The following TGM6 variants were observed in gnomAD, a reference collection of about 807,000 sequenced individuals.
TGM6 encodes the protein protein-glutamine gamma-glutamyltransferase 6.
TGM6 carries 74 observed loss-of-function variants against 77.5 expected under a neutral mutation model. The observed-to-expected ratio is 0.96, with a 90% CI of 0.79 to 1.16. TGM6 has a LOEUF of 1.16. Ranked by LOEUF, TGM6 falls within the 50% of genes most tolerant of loss-of-function variation. TGM6 has a pLI of 0.00. For missense variants in TGM6, 968 were observed against 940.2 expected (o/e 1.03, Z -0.39); for synonymous variants, 383 against 378.9 (o/e 1.01, Z -0.12).
chr20:2,410,496 C>T lies in TGM6; in HGVS notation c.1336+6673C>T, dbSNP rs564269211. On this transcript the variant is annotated intron_variant, in intron 9 of 12. Coordinates refer to ENST00000202625, the MANE Select transcript of TGM6 (RefSeq NM_198994.3). Reference sequence around the variant, plus strand: ...ACTGTTTTTCTGAGTTCTGTGAACCCCTCTAGCAAATTATGAAACCTAAGG... The same window carrying T: ...ACTGTTTTTCTGAGTTCTGTGAACCTCTCTAGCAAATTATGAAACCTAAGG... Among the ~76,000 whole-genome samples the T allele has an allele frequency of 5.3e-5, 8 of 152,228 alleles. No homozygotes were observed. In the South Asian group the frequency reaches 1.7e-3, roughly 32 times the overall value.
intron 10 of TGM6, among the ~76,000 whole-genome samples, chr20:2,428,723 G>A (rs937547217): frequency 6.6e-6 from 1 of 151,608 alleles, no homozygotes; most frequent in East Asian, 1.9e-4. Context: ...AATAATACCC[G>A]CTCATGGAAT....
At position 2,394,728 on chromosome 20, in the gene TGM6, G is replaced by A. The variant is rs1010595474; in HGVS notation, c.181+103G>A. 4.6e-6 allele frequency: 6 copies of A among 1,317,662 alleles called. No homozygotes were observed. In the South Asian group the frequency reaches 6.3e-5, roughly 14 times the overall value. 81.6% of individuals were successfully genotyped at this position (1,317,662 alleles called of 1,614,324 possible). ...GCAGTCAGCAGCTCAGGCTCTGGGGGAAGCAAGTCACTGTAGGTAGACGGA... is the reference window on the plus strand; with the variant it reads ...GCAGTCAGCAGCTCAGGCTCTGGGGAAAGCAAGTCACTGTAGGTAGACGGA... On this transcript the variant is annotated intron_variant, in intron 2 of 12. Transcript: ENST00000202625.
chr20:2,414,066 T>G (rs1344505883), intron 9 of TGM6, among the ~76,000 whole-genome samples: 1 of 152,020 alleles, frequency 6.6e-6, no homozygotes, highest in African/African-American at 2.4e-5. Flanking sequence ...AAAAAATAAT[T>G]TTTTTTGAGA....
In TGM6 at chr20:2,392,852, G is replaced by A. The variant is rs867244744; in HGVS notation, c.8-1600G>A. Among the ~76,000 whole-genome samples the A allele has an allele frequency of 3.3e-5, 5 of 152,298 alleles. No individual in the cohort carries two copies. The South Asian group carries it at 6.2e-4, about 19-fold the overall frequency. ...TGGGAGGCAGAGATTGCAGTGATCCGAGATTGCGCCACTGCACTCCAGCCT... is the reference window on the plus strand; with the variant it reads ...TGGGAGGCAGAGATTGCAGTGATCCAAGATTGCGCCACTGCACTCCAGCCT... On this transcript the variant is annotated intron_variant, in intron 1 of 12. Coordinates refer to ENST00000202625, the MANE Select transcript of TGM6 (RefSeq NM_198994.3).
intron 9 of TGM6, among the ~76,000 whole-genome samples, chr20:2,414,576 A>G (rs2084802937): frequency 6.6e-6 from 1 of 152,224 alleles, no homozygotes; most frequent in South Asian, 2.1e-4. Context: ...TCCAAGAGAA[A>G]TGAAAACAAA....
In TGM6 at chr20:2,399,590, G is replaced by T. The variant is rs766824119; in HGVS notation, c.702G>T (p.Val234=). 1.2e-6 allele frequency: 2 copies of T among 1,613,372 alleles called. No individual in the cohort carries two copies. Among genetic ancestry groups the T allele is most frequent in the Admixed American group, 3.3e-5 (2 of 60,024 alleles). The change falls in exon 6 of 13, where the codon GTG becomes GTT. Residue 234 remains valine, a synonymous_variant. Coordinates refer to ENST00000202625, the MANE Select transcript of TGM6 (RefSeq NM_198994.3). The part of the protein sequence containing the change: ...MVNSNNDRGV[V]QGQWQGKYGG... The stretch of plus-strand genomic sequence containing the variant: ...ACAGCAACAACGACCGAGGTGTGGT[G>T]CAAGGACAGTGGCAGGGCAAGTACG...
At chr20:2,383,360 G>A (rs183772199) in intron 1 of TGM6, among the ~76,000 whole-genome samples, 1 of 152,322 alleles carries the variant, frequency 6.6e-6, no homozygotes, top group Non-Finnish European at 1.5e-5. Context: ...GGATGAGCTA[G>A]GCTTGGGGGT....
At position 2,389,494 on chromosome 20, in the gene TGM6, G is replaced by A. The variant is rs1056168659; in HGVS notation, c.8-4958G>A. Among the ~76,000 whole-genome samples the A allele has an allele frequency of 3.2e-4, 49 of 152,154 alleles. 1 individual carries two copies. The highest frequency in any genetic ancestry group is 2.8e-3 in the Admixed American group (43 of 15,280). ...AGCTAAACTCTGGGTTAAACAGATT[G>A]GTTAAGAAGCAATAGATGAGTAAAA... On this transcript the variant is annotated intron_variant, in intron 1 of 12. Transcript: ENST00000202625.
At chr20:2,396,336 G>T (rs1489660617) in intron 3 of TGM6, among the ~76,000 whole-genome samples, 170 bp from the exon 4 acceptor site, 1 of 152,152 alleles carries the variant, frequency 6.6e-6, no homozygotes, top group Admixed American at 6.5e-5. Context: ...TGCCAGGAGG[G>T]ATGGAGTTTG....
At chr20:2,398,118 G>A in intron 5 of TGM6, 72 bp downstream of exon 5, 2 of 1,611,990 alleles carry the variant, frequency 1.2e-6, no homozygotes, top group Admixed American at 3.3e-5. Flanking sequence ...GCCACAACCT[G>A]TGATTCTTCC....
chr20:2,424,046 G>A (rs935942568), intron 10 of TGM6, among the ~76,000 whole-genome samples: 2 of 152,112 alleles, frequency 1.3e-5, no homozygotes, highest in East Asian at 3.8e-4. Flanking sequence ...TATCATCCTG[G>A]CTTCGTTGTT....
At chr20:2,400,244 G>C in intron 6 of TGM6, 62 bp from the exon 7 acceptor site, 1 of 1,609,624 alleles carries the variant, frequency 6.2e-7, no homozygotes. Context: ...GCCTGCTGTG[G>C]AAGCCAGGCC....
chr20:2,420,950 T>A (rs1355912149), intron 10 of TGM6, among the ~76,000 whole-genome samples: 1 of 152,124 alleles, frequency 6.6e-6, no homozygotes, highest in Admixed American at 6.5e-5. Flanking sequence ...GCTGTAAACA[T>A]CCTTATGCAG....
chr20:2,411,205 A>G (rs1314188940), intron 9 of TGM6, among the ~76,000 whole-genome samples: 1 of 152,204 alleles, frequency 6.6e-6, no homozygotes, highest in East Asian at 1.9e-4. Context: ...TGTGAAAGCA[A>G]AAATCAACAA....
At chr20:2,430,050 C>T (rs1489313296) in intron 10 of TGM6, among the ~76,000 whole-genome samples, 3 of 152,178 alleles carry the variant, frequency 2.0e-5, no homozygotes, top group Admixed American at 1.3e-4. Flanking sequence ...CTCTTCTCTG[C>T]TCCTAGCACA....
chr20:2,382,964 G>T (rs550883982), intron 1 of TGM6, among the ~76,000 whole-genome samples: 1 of 152,186 alleles, frequency 6.6e-6, no homozygotes, highest in Non-Finnish European at 1.5e-5. Context: ...GAGATTCCAA[G>T]AATTGAGTGG....
intron 9 of TGM6, among the ~76,000 whole-genome samples, chr20:2,409,431 G>T (rs2084771163): frequency 6.6e-6 from 1 of 152,170 alleles, no homozygotes; most frequent in Admixed American, 6.5e-5. Flanking sequence ...TAGAAAAATG[G>T]CTGGATGTGG....
chr20:2,431,079 A>G (rs2084921060), intron 12 of TGM6, 52 bp downstream of exon 12: 1 of 1,573,956 alleles, frequency 6.4e-7, no homozygotes, highest in Admixed American at 1.8e-5. Flanking sequence ...TTCCTTGTGG[A>G]TGAGCCAGAG....
At chr20:2,407,869 G>A (rs1185352840) in intron 9 of TGM6, among the ~76,000 whole-genome samples, 1 of 152,166 alleles carries the variant, frequency 6.6e-6, no homozygotes, top group Non-Finnish European at 1.5e-5. Context: ...TCAGAGGCAA[G>A]GGGACAAAGA....
Sources: allele counts gnomAD v4.1 joint callset (sites outside exome capture counted in the v4.1 genomes callset), GRCh38; gene constraint gnomAD v4.1.1; transcripts MANE v1.5; gene names NCBI Gene and HGNC (gene_info 2026-07-23, HGNC 2026-07-21).